The following TMPRSS9 variants were observed in gnomAD, a reference collection of about 807,000 sequenced individuals.
TMPRSS9 encodes the protein transmembrane serine protease 9.
Under a neutral mutation model 111.4 loss-of-function variants are expected in TMPRSS9, and 113 were observed. The observed-to-expected ratio is 1.01, with a 90% CI of 0.87 to 1.19. TMPRSS9 has a LOEUF of 1.19. Ranked by LOEUF, TMPRSS9 falls within the 50% of genes most tolerant of loss-of-function variation. The probability of loss-of-function intolerance (pLI) is 0.00; values close to 1 mark genes in which losing one functional copy is unlikely to be tolerated. For synonymous variants in TMPRSS9, 805 were observed against 659.1 expected, an observed-to-expected ratio of 1.22 and a Z score of -3.39; for missense variants, 1,803 against 1,513.1, an observed-to-expected ratio of 1.19 and a Z score of -3.18.
intron 1 of TMPRSS9, among the ~76,000 whole-genome samples, chr19:2,379,175 C>CTTTT (rs201078504): frequency 8.0e-5 from 10 of 124,794 alleles, no homozygotes; most frequent in African/African-American, 9.7e-5. Flanking sequence ...GCCTGAGCTT[C>CTTTT]TTTCTCTTTT....
At chr19:2,378,539 G>A (rs1340420569) in intron 1 of TMPRSS9, among the ~76,000 whole-genome samples, 2 of 152,178 alleles carry the variant, frequency 1.3e-5, no homozygotes, top group Admixed American at 6.6e-5. Context: ...CCAATATGGT[G>A]AAACCCCATC....
upstream of TMPRSS9, among the ~76,000 whole-genome samples, chr19:2,388,613 A>G (rs1011768676): frequency 1.3e-5 from 2 of 152,112 alleles, no homozygotes; most frequent in Admixed American, 6.6e-5. Flanking sequence ...GAGATAATCA[A>G]TCAGTATTCC....
chr19:2,414,265 A>C (rs1971169246), intron 10 of TMPRSS9: 2 of 392,308 alleles, frequency 5.1e-6, no homozygotes, highest in Non-Finnish European at 9.1e-6. Context: ...TTTGAGACGC[A>C]GTCTTGCTCC....
chr19:2,424,991 G>C lies in TMPRSS9; in HGVS notation c.2718-11G>C. On this transcript the variant is annotated splice_polypyrimidine_tract_variant and intron_variant, in intron 15 of 17. Coordinates refer to ENST00000648592, the Ensembl canonical transcript of TMPRSS9. ...GGCTCGGGCCGACGCCTGTCCTCGC[G>C]CGCCCCGCAGCTACGGGGACCCCAA... 6.6e-7 allele frequency: 1 copy of C among 1,508,396 alleles called. No individual in the cohort carries two copies. The highest frequency in any genetic ancestry group is 2.6e-5 in the East Asian group (1 of 38,490). The allele number at this position is 1,508,396 out of a possible 1,614,324, so 93.4% of individuals were successfully genotyped here.
chr19:2,369,347 A>C (rs1392763706), intron 1 of TMPRSS9, among the ~76,000 whole-genome samples: 1 of 152,178 alleles, frequency 6.6e-6, no homozygotes, highest in Non-Finnish European at 1.5e-5. Context: ...ATTTTTGTGA[A>C]GAGGAGACTG....
At chr19:2,388,385 C>T (rs998486646), upstream of TMPRSS9, among the ~76,000 whole-genome samples, 1 of 151,850 alleles carries the variant, frequency 6.6e-6, no homozygotes, top group East Asian at 1.9e-4. Flanking sequence ...GACCCTGTCT[C>T]AAAAACAAAC....
At chr19:2,414,144 C>T (rs1046005814) in intron 10 of TMPRSS9, 126 bp downstream of exon 11, 14 of 996,656 alleles carry the variant, frequency 1.4e-5, no homozygotes, top group South Asian at 1.3e-4. Flanking sequence ...CATGTGTATC[C>T]GTTTATTCCC....
intron 7 of TMPRSS9, among the ~76,000 whole-genome samples, chr19:2,406,719 C>A (rs1327307202): frequency 6.6e-6 from 1 of 151,672 alleles, no homozygotes; most frequent in Non-Finnish European, 1.5e-5. Context: ...TCTCGGTGAC[C>A]AATGACATTT....
chr19:2,378,854 A>G (rs4806842), intron 1 of TMPRSS9, among the ~76,000 whole-genome samples: 25,051 of 152,218 alleles, frequency 0.16, 2,967 homozygotes, highest in African/African-American at 0.32. Context: ...CCTTCTTCAC[A>G]TGGCGGTAGG....
chr19:2,414,939 C>CTT (rs1474701467), intron 10 of TMPRSS9, among the ~76,000 whole-genome samples: 4,599 of 141,272 alleles, frequency 0.033, 92 homozygotes, highest in Non-Finnish European at 0.044. Flanking sequence ...AGTTGCATTC[C>CTT]TATTTTTTTT....
At chr19:2,369,689 A>G (rs889035679) in intron 1 of TMPRSS9, among the ~76,000 whole-genome samples, 2 of 146,368 alleles carry the variant, frequency 1.4e-5, no homozygotes, top group Non-Finnish European at 3.0e-5. Flanking sequence ...TCCTCCTGCC[A>G]CAGCCTCCAA....
At chr19:2,405,082 T>G (rs117210375) in intron 6 of TMPRSS9, among the ~76,000 whole-genome samples, 2,094 of 152,072 alleles carry the variant, frequency 0.014, 41 homozygotes, top group East Asian at 0.09. Flanking sequence ...TATACAAACA[T>G]GTACGTGGGG....
At chr19:2,415,437 G>T (rs957969949) in intron 10 of TMPRSS9, among the ~76,000 whole-genome samples, 7 of 152,088 alleles carry the variant, frequency 4.6e-5, no homozygotes, top group African/African-American at 1.7e-4. Flanking sequence ...GGCTGACTGG[G>T]CCGCTGTATG....
intron 1 of TMPRSS9, among the ~76,000 whole-genome samples, chr19:2,367,561 ATTTTTT>A (rs35468320): frequency 4.6e-5 from 6 of 129,598 alleles, no homozygotes; most frequent in African/African-American, 9.2e-5. Flanking sequence ...TGACTGGCTA[ATTTTTT>A]TTTTTTTTTT....
At position 2,415,789 on chromosome 19, in the gene TMPRSS9, G is replaced by C. The variant is rs1483214200; in HGVS notation, c.1693G>C (p.Ala565Pro). ...GGAAGGGTCCCGGCACTTCTGCGGA[G>C]CAACTGTGGTGGGGGACCGCTGGCT... Residue 565 changes from alanine (A) to proline (P), a missense_variant, in exon 11 of 18, where the codon GCA becomes CCA. Ala to Pro is a conservative substitution (Grantham distance 27). Transcript: ENST00000648592. 1.2e-5 allele frequency: 19 copies of C among 1,607,806 alleles called. No homozygotes were observed. Among genetic ancestry groups the C allele is most frequent in the Non-Finnish European group, 1.6e-5 (19 of 1,176,910 alleles).
At chr19:2,414,183 T>C in intron 10 of TMPRSS9, 165 bp downstream of exon 11, 1 of 698,764 alleles carries the variant, frequency 1.4e-6, no homozygotes, top group Non-Finnish European at 2.3e-6. Context: ...CCTCATGGTA[T>C]CTTTCTGTCC....
At chr19:2,376,219 G>T (rs1258235142) in intron 1 of TMPRSS9, among the ~76,000 whole-genome samples, 2 of 152,034 alleles carry the variant, frequency 1.3e-5, no homozygotes, top group African/African-American at 2.4e-5. Context: ...CAGCCACAGC[G>T]CAGCACAGCC....
intron 1 of TMPRSS9, among the ~76,000 whole-genome samples, chr19:2,381,735 G>T (rs555226377): frequency 3.4e-4 from 52 of 152,280 alleles, no homozygotes; most frequent in Admixed American, 5.9e-4. Flanking sequence ...CCTGAGGAGG[G>T]AACATTCTGG....
chr19:2,395,757 G>C (rs916704991), intron 1 of TMPRSS9, among the ~76,000 whole-genome samples: 3 of 152,060 alleles, frequency 2.0e-5, no homozygotes, highest in East Asian at 1.9e-4. Flanking sequence ...CCTGTAATCT[G>C]AGCACTTTGG....
Sources: allele counts gnomAD v4.1 joint callset (sites outside exome capture counted in the v4.1 genomes callset), GRCh38; gene constraint gnomAD v4.1.1; transcripts MANE v1.5; gene names NCBI Gene and HGNC (gene_info 2026-07-23, HGNC 2026-07-21).